Variants in C2 observed in about 807,000 individuals in gnomAD.
The protein encoded by C2 is complement C2, also known as C3/C5 convertase.
In C2, 64 loss-of-function variants were observed where a neutral mutation model predicts 85.2. That is an observed-to-expected ratio of 0.75 (90% confidence interval 0.61 to 0.92). The LOEUF (loss-of-function observed/expected upper bound fraction) is 0.92. C2 is among the 40% of genes least tolerant of loss of function. C2 has a pLI of 0.00. For synonymous variants in C2, 311 were observed against 370.8 expected (o/e 0.84, Z 1.85); for missense variants, 820 against 971.6 (o/e 0.84, Z 2.07).
At chr6:31,930,612 G>C (rs1418215161) in intron 3 of C2, among the ~76,000 whole-genome samples, 1 of 152,190 alleles carries the variant, frequency 6.6e-6, no homozygotes, top group African/African-American at 2.4e-5. Context: ...AGCTGCATTT[G>C]CCTGTGGGTT....
intron 3 of C2, among the ~76,000 whole-genome samples, chr6:31,932,681 A>G (rs1391778351): frequency 6.8e-6 from 1 of 146,136 alleles, no homozygotes; most frequent in South Asian, 2.2e-4. Context: ...ATGGGTGGCC[A>G]GGCGGAGACG....
upstream of C2, chr6:31,900,426 G>A (rs745678096): frequency 3.1e-5 from 48 of 1,551,750 alleles, no homozygotes; most frequent in Non-Finnish European, 4.0e-5. This position sits in a 1 kb window ranked among gnomAD's most constrained non-coding sequence, Gnocchi z 9.7. Flanking sequence ...GCTTCCACCA[G>A]GCCCGAGGTG....
In C2 at chr6:31,904,125, T is replaced by TC. The variant is rs1767560897; in HGVS notation, c.73+2991dup. On this transcript the variant is annotated intron_variant, in intron 1 of 3. Coordinates refer to the C2 transcript ENST00000452202. The surrounding 1 kb of genome is among the most constrained non-coding windows in gnomAD (Gnocchi z 4.4). ...GAATCACAGTGTCCTTATCTTTGTC[T>TC]CCCCCGCCCATCCTTAGCTCATCTG... Among the ~76,000 whole-genome samples, 1 of 151,852 alleles carries TC rather than the reference T, an allele frequency of 6.6e-6. No individual in the cohort carries two copies. Among genetic ancestry groups the TC allele is most frequent in the South Asian group, 2.1e-4 (1 of 4,792 alleles).
intron 3 of C2, among the ~76,000 whole-genome samples, chr6:31,932,988 C>T (rs1352246894): frequency 2.0e-5 from 3 of 152,220 alleles, no homozygotes; most frequent in South Asian, 2.1e-4. Context: ...TGGCGGCGCG[C>T]GCCTGCAATC....
chr6:31,932,798 C>G (rs992833839), intron 3 of C2, among the ~76,000 whole-genome samples: 1 of 152,248 alleles, frequency 6.6e-6, no homozygotes, highest in African/African-American at 2.4e-5. Context: ...GAGCCAAGAT[C>G]ACGCCACTGC....
intron 1 of C2, among the ~76,000 whole-genome samples, chr6:31,903,910 G>C (rs1385029082): frequency 6.6e-6 from 1 of 151,798 alleles, no homozygotes; most frequent in Non-Finnish European, 1.5e-5. Context: ...TTTGTATTTA[G>C]GCCTTGTAGA....
In C2 at chr6:31,933,013, A is replaced by G. The variant is rs568574343; in HGVS notation, c.443-597A>G. On this transcript the variant is annotated intron_variant, in intron 3 of 17. Transcript: ENST00000299367. ...CGCCTGCAATCGCAGGCACTCGGCA[A>G]GCTGAGGCAGGAGAATCAGGCAGGG... Among the ~76,000 whole-genome samples the G allele has an allele frequency of 3.3e-5, 5 of 152,352 alleles. No homozygotes were observed. The South Asian group carries it at 6.2e-4, about 19-fold the overall frequency.
At chr6:31,897,931 A>T, upstream of C2, 1 of 1,052,726 alleles carries the variant, frequency 9.5e-7, no homozygotes, top group Non-Finnish European at 1.1e-6. Flanking sequence ...CTCTGTCCCC[A>T]TCTGGTTTTA....
chr6:31,918,344 T>G (rs991707888), upstream of C2, among the ~76,000 whole-genome samples: 3 of 151,964 alleles, frequency 2.0e-5, no homozygotes, highest in Non-Finnish European at 4.4e-5. Flanking sequence ...CCTAACACTT[T>G]GGGAGACTGA....
chr6:31,933,893 G>C lies in C2; in HGVS notation c.643G>C (p.Asp215His). 1 of 1,614,174 alleles carries C rather than the reference G, an allele frequency of 6.2e-7. No individual in the cohort carries two copies. Among genetic ancestry groups the C allele is most frequent in the Non-Finnish European group, 8.5e-7 (1 of 1,180,032 alleles). ...ACCCTACTCTTATGACTTCCCTGAG[G>C]ACGTGGCCCCTGCCCTGGGCACTTC... The part of the protein sequence containing the change: ...RQPYSYDFPE[D>H]VAPALGTSFS... Residue 215 changes from aspartate to histidine, a missense_variant, in exon 5 of 18, where the codon GAC becomes CAC. Coordinates refer to ENST00000299367, the MANE Select transcript of C2 (RefSeq NM_000063.6).
intron 3 of C2, 74 bp downstream of exon 3, chr6:31,928,991 A>G (rs1404343162): frequency 1.4e-6 from 2 of 1,390,782 alleles, no homozygotes; most frequent in African/African-American, 2.9e-5. Context: ...ATGTGCATCC[A>G]GGAAGCCTCT....
intron 3 of C2, 73 bp downstream of exon 3, chr6:31,928,990 C>A: frequency 1.4e-6 from 2 of 1,387,070 alleles, no homozygotes; most frequent in Non-Finnish European, 2.0e-6. Context: ...AATGTGCATC[C>A]AGGAAGCCTC....
At position 31,943,007 on chromosome 6, in the gene C2, T is replaced by G. The variant is rs1402663746; in HGVS notation, c.1268T>G (p.Leu423Arg). ...AAGCTGGATGTGGACTGGAGAGAAC[T>G]GAATGAGCTAGGGTCCAAGAAGGAT... ...VGKLDVDWRE[L>R]NELGSKKDGE... Residue 423 changes from leucine to arginine, a missense_variant, in exon 10 of 18, where the codon CTG becomes CGG. Leu to Arg is a moderately radical substitution (Grantham distance 102, BLOSUM62 -2). Coordinates refer to ENST00000299367, the MANE Select transcript of C2 (RefSeq NM_000063.6). The surrounding 1 kb of genome is among the most constrained non-coding windows in gnomAD (Gnocchi z 6.4). 6.2e-7 allele frequency: 1 copy of G among 1,613,052 alleles called. No individual in the cohort carries two copies.
At chr6:31,918,218 G>C (rs1768692674), upstream of C2, among the ~76,000 whole-genome samples, 1 of 151,944 alleles carries the variant, frequency 6.6e-6, no homozygotes, top group African/African-American at 2.4e-5. Context: ...CCAGGAGTTT[G>C]AGGCTGCCGT....
chr6:31,927,130 A>C (rs141731918), upstream of C2, among the ~76,000 whole-genome samples: 246 of 152,320 alleles, frequency 1.6e-3, 2 homozygotes, highest in Middle Eastern at 0.024. The surrounding 1 kb of genome is among the most constrained non-coding windows in gnomAD (Gnocchi z 4.7). Flanking sequence ...GATTATCTCT[A>C]GGGAAGGATT....
In C2 at chr6:31,904,898, C is replaced by T. The variant is rs1212576930; in HGVS notation, c.73+3759C>T. Among the ~76,000 whole-genome samples, 2 of 151,986 alleles carry T rather than the reference C, an allele frequency of 1.3e-5. No homozygotes were observed. The highest frequency in any genetic ancestry group is 2.9e-5 in the Non-Finnish European group (2 of 68,028). Reference sequence around the variant, plus strand: ...ATGAATCCTTCAAGTGTCCAGCCCACCCAGTTACAACTCTGCGTAAAAACA... The same window carrying T: ...ATGAATCCTTCAAGTGTCCAGCCCATCCAGTTACAACTCTGCGTAAAAACA... On this transcript the variant is annotated intron_variant, in intron 1 of 3. Transcript: ENST00000452202. This position sits in a 1 kb window ranked among gnomAD's most constrained non-coding sequence, Gnocchi z 4.4.
At position 31,928,820 on chromosome 6, in the gene C2, C is replaced by T. The variant is rs138358319; in HGVS notation, c.345C>T (p.Phe115=). 7.3e-5 allele frequency: 118 copies of T among 1,614,100 alleles called. No homozygotes were observed. The highest frequency in any genetic ancestry group is 9.5e-5 in the Non-Finnish European group (112 of 1,180,048). The change falls in exon 3 of 18, where the codon TTC becomes TTT. Residue 115 remains phenylalanine (F), a synonymous_variant. Transcript: ENST00000299367. ...GSYPVGGNVS[F]ECEDGFILRG... ...ATCCCGTGGGTGGCAATGTGAGCTT[C>T]GAGTGTGAGGATGGCTTCATATTGC...
chr6:31,908,162 T>A (rs941537857), intron 1 of C2, among the ~76,000 whole-genome samples: 29 of 150,720 alleles, frequency 1.9e-4, no homozygotes, highest in Middle Eastern at 3.4e-3. Flanking sequence ...TTTTTTTTTT[T>A]AATTAAAAGT....
At chr6:31,906,243 T>A (rs1393167602) in intron 1 of C2, among the ~76,000 whole-genome samples, 3 of 151,938 alleles carry the variant, frequency 2.0e-5, no homozygotes, top group African/African-American at 7.3e-5. Flanking sequence ...AAAGAAGCCA[T>A]GTGAAAACAA....
Sources: gnomAD v4.1 joint callset for allele counts (sites outside exome capture counted in the v4.1 genomes callset) on GRCh38, gnomAD v4.1.1 for gene constraint, Gnocchi (gnomAD v3.1) non-coding constraint, MANE v1.5 for transcripts, NCBI Gene and HGNC (gene_info 2026-07-23, HGNC 2026-07-21) for gene names.